Variants in SGCZ observed in about 807,000 individuals in gnomAD.
SGCZ encodes zeta-sarcoglycan.
A neutral mutation model predicts 41.3 loss-of-function variants in SGCZ; 40 were observed. The ratio of observed to expected loss-of-function variants is 0.97; its 90% confidence interval spans 0.75 to 1.26. The LOEUF (loss-of-function observed/expected upper bound fraction) is 1.26, where lower values mean the gene tolerates loss of function less well. Among genes scored for constraint, SGCZ ranks in the 50% most tolerant of loss-of-function variants. SGCZ has a pLI of 0.00. For synonymous variants in SGCZ, 206 were observed against 137.5 expected (o/e 1.50, Z -3.49); for missense variants, 552 against 369.8 (o/e 1.49, Z -4.04).
chr8:15,049,566 G>A (rs1050740424), intron 1 of SGCZ, among the ~76,000 whole-genome samples: 11 of 152,118 alleles, frequency 7.2e-5, no homozygotes, highest in African/African-American at 2.4e-4. Flanking sequence ...GGCCAGGAGT[G>A]GAAGCATGGA....
chr8:14,795,231 A>G (rs1004707435), intron 1 of SGCZ, among the ~76,000 whole-genome samples: 1 of 152,202 alleles, frequency 6.6e-6, no homozygotes, highest in Admixed American at 6.5e-5. Flanking sequence ...TGACTAAAGC[A>G]TACATATGTA....
At chr8:14,175,198 T>C (rs1804506538) in intron 4 of SGCZ, among the ~76,000 whole-genome samples, 1 of 152,152 alleles carries the variant, frequency 6.6e-6, no homozygotes, top group African/African-American at 2.4e-5. Flanking sequence ...AGCAAAATTA[T>C]CATCCAAGGT....
At chr8:14,927,200 C>T (rs1223002688) in intron 1 of SGCZ, among the ~76,000 whole-genome samples, 1 of 148,996 alleles carries the variant, frequency 6.7e-6, no homozygotes, top group Non-Finnish European at 1.5e-5. Flanking sequence ...GCTCCGCCTC[C>T]GAGGTTGACG....
chr8:14,915,125 C>T lies in SGCZ; in HGVS notation c.39+322460G>A, dbSNP rs116927952. On this transcript the variant is annotated intron_variant, in intron 1 of 7. Coordinates refer to ENST00000382080, the MANE Select transcript of SGCZ (RefSeq NM_139167.4). The stretch of plus-strand genomic sequence containing the variant: ...CTTTCATGAAGACAGTTCAGAGATT[C>T]AAAAACTCTGGATATCTTCCCGTTT... Among the ~76,000 whole-genome samples the T allele has an allele frequency of 5.7e-3, 863 of 152,184 alleles. 9 individuals are homozygous for T. The highest frequency in any genetic ancestry group is 0.03 in the East Asian group (155 of 5,178).
At chr8:14,112,005 C>T (rs979350995) in intron 5 of SGCZ, among the ~76,000 whole-genome samples, 1 of 152,052 alleles carries the variant, frequency 6.6e-6, no homozygotes, top group African/African-American at 2.4e-5. Context: ...ATATCCTACG[C>T]TACTCATTAT....
intron 7 of SGCZ, among the ~76,000 whole-genome samples, chr8:14,098,557 G>C (rs1801914596): frequency 6.6e-6 from 1 of 152,126 alleles, no homozygotes; most frequent in Non-Finnish European, 1.5e-5. Flanking sequence ...TGTGTGCAGA[G>C]GAAAGGCATC....
At chr8:15,214,281 G>C (rs533018882) in intron 1 of SGCZ, among the ~76,000 whole-genome samples, 3 of 151,892 alleles carry the variant, frequency 2.0e-5, no homozygotes, top group Non-Finnish European at 4.4e-5. Flanking sequence ...TTGATTTTTG[G>C]TTTGTTTTAA....
intron 1 of SGCZ, among the ~76,000 whole-genome samples, chr8:14,659,573 A>G (rs1246177896): frequency 1.3e-5 from 2 of 152,172 alleles, no homozygotes; most frequent in Non-Finnish European, 2.9e-5. Flanking sequence ...GGCAAAGGCT[A>G]CCTTGAGAGC....
chr8:14,918,622 A>G (rs1799506111), intron 1 of SGCZ, among the ~76,000 whole-genome samples: 1 of 152,210 alleles, frequency 6.6e-6, no homozygotes, highest in Admixed American at 6.5e-5. Context: ...GAAACAACTT[A>G]GTATTTTACA....
At chr8:14,939,428 T>A (rs1800192152) in intron 1 of SGCZ, among the ~76,000 whole-genome samples, 1 of 152,144 alleles carries the variant, frequency 6.6e-6, no homozygotes, top group South Asian at 2.1e-4. Context: ...CTTCCTATTT[T>A]TTGACATTTC....
chr8:14,542,473 A>G (rs1212000690), intron 2 of SGCZ, among the ~76,000 whole-genome samples: 1 of 152,098 alleles, frequency 6.6e-6, no homozygotes, highest in Non-Finnish European at 1.5e-5. Context: ...AACCTTACAG[A>G]GACACTTTAA....
At chr8:14,143,157 G>C (rs1803422109) in intron 5 of SGCZ, among the ~76,000 whole-genome samples, 1 of 152,000 alleles carries the variant, frequency 6.6e-6, no homozygotes, top group African/African-American at 2.4e-5. Flanking sequence ...AAATAAAGGA[G>C]ACCTTTCTCT....
intron 1 of SGCZ, among the ~76,000 whole-genome samples, chr8:15,007,984 T>C (rs1455550649): frequency 6.6e-6 from 1 of 152,210 alleles, no homozygotes; most frequent in Non-Finnish European, 1.5e-5. Context: ...ATTAATTTTA[T>C]ACTCTCAAGT....
intron 2 of SGCZ, among the ~76,000 whole-genome samples, chr8:14,389,194 G>A (rs1804674027): frequency 6.6e-6 from 1 of 151,848 alleles, no homozygotes; most frequent in African/African-American, 2.4e-5. Context: ...TGACAATGTA[G>A]TACAGAGATA....
At chr8:14,316,600 A>C (rs977734663) in intron 3 of SGCZ, among the ~76,000 whole-genome samples, 1 of 151,928 alleles carries the variant, frequency 6.6e-6, no homozygotes, top group Admixed American at 6.6e-5. Flanking sequence ...CAACCCGGAA[A>C]CACTTTCACC....
intron 2 of SGCZ, among the ~76,000 whole-genome samples, chr8:14,437,930 G>A (rs1037857920): frequency 2.0e-5 from 3 of 151,810 alleles, no homozygotes; most frequent in East Asian, 3.9e-4. Context: ...GATGATTACC[G>A]ATTTGTGTTG....
chr8:14,361,926 T>C (rs1330748936), intron 2 of SGCZ, among the ~76,000 whole-genome samples: 1 of 152,190 alleles, frequency 6.6e-6, no homozygotes, highest in Non-Finnish European at 1.5e-5. Flanking sequence ...CTTTTCCTTC[T>C]AACAGACAGG....
At chr8:14,995,474 T>G (rs1463821142) in intron 1 of SGCZ, among the ~76,000 whole-genome samples, 1 of 152,170 alleles carries the variant, frequency 6.6e-6, no homozygotes, top group African/African-American at 2.4e-5. Flanking sequence ...GACAGTGGTG[T>G]CATTAACTAA....
intron 2 of SGCZ, among the ~76,000 whole-genome samples, chr8:14,337,100 C>G (rs11991427): frequency 0.053 from 7,988 of 152,142 alleles, 611 homozygotes; most frequent in African/African-American, 0.17. Context: ...CTCCATAGTT[C>G]CCTAAAATTT....
Sources: allele counts gnomAD v4.1 joint callset (sites outside exome capture counted in the v4.1 genomes callset), GRCh38; gene constraint gnomAD v4.1.1; transcripts MANE v1.5; gene names NCBI Gene and HGNC (gene_info 2026-07-23, HGNC 2026-07-21).